Variants in PTPRN2 observed in about 807,000 individuals in gnomAD.
PTPRN2 encodes the protein receptor-type tyrosine-protein phosphatase N2.
In PTPRN2, 74 loss-of-function variants were observed where a neutral mutation model predicts 118.8. The observed-to-expected ratio is 0.62, with a 90% CI of 0.52 to 0.76. PTPRN2 has a LOEUF of 0.76. PTPRN2 is among the 30% of genes least tolerant of loss of function. The pLI is 0.00. For missense variants in PTPRN2, 1,481 were observed against 1,394.4 expected (o/e 1.06, Z -0.99); for synonymous variants, 641 against 608.0 (o/e 1.05, Z -0.80).
At chr7:158,480,718 T>C (rs2129444878) in intron 2 of PTPRN2, among the ~76,000 whole-genome samples, 1 of 152,302 alleles carries the variant, frequency 6.6e-6, no homozygotes, top group African/African-American at 2.4e-5. Context: ...ATTGAGAAAG[T>C]CTGAGTGGTC....
intron 1 of PTPRN2, among the ~76,000 whole-genome samples, chr7:158,512,519 C>A (rs1309972182): frequency 6.6e-6 from 1 of 152,082 alleles, no homozygotes; most frequent in Admixed American, 6.5e-5. Context: ...TCCTAGATCT[C>A]ACAGTCACAC....
intron 12 of PTPRN2, among the ~76,000 whole-genome samples, chr7:157,862,292 G>T (rs1484114994): frequency 2.6e-5 from 4 of 152,244 alleles, no homozygotes; most frequent in Non-Finnish European, 5.9e-5. Context: ...ATATCTTTCT[G>T]CGGAGACAGT....
Position 157,902,351 on chromosome 7 carries a change from C to T in PTPRN2, c.1724-3614G>A, listed in dbSNP as rs139268112. On this transcript the variant is annotated intron_variant, in intron 11 of 22. Transcript: ENST00000389418. ...GGAGAGCACGTGGGGACCAGCCCCG[C>T]GGTGGCCTGGAGAGTACGTGGAAAT... Among the ~76,000 whole-genome samples, 279 of 147,860 alleles carry T rather than the reference C, an allele frequency of 1.9e-3. No individual in the cohort carries two copies. In the East Asian group the frequency reaches 0.045, roughly 24 times the overall value.
At chr7:158,313,060 TTGTC>T (rs111855829) in intron 3 of PTPRN2, among the ~76,000 whole-genome samples, 16 of 151,342 alleles carry the variant, frequency 1.1e-4, no homozygotes, top group African/African-American at 3.6e-4. Context: ...GTGTGCAGGT[TTGTC>T]TGCGTGTGGG....
chr7:158,120,414 C>T (rs1320669899), intron 9 of PTPRN2, among the ~76,000 whole-genome samples: 1 of 152,166 alleles, frequency 6.6e-6, no homozygotes, highest in Non-Finnish European at 1.5e-5. Context: ...AGCACCATGA[C>T]GTGTGGCTGC....
At chr7:158,330,814 A>T (rs1586296310) in intron 2 of PTPRN2, among the ~76,000 whole-genome samples, 18 of 102,848 alleles carry the variant, frequency 1.8e-4, no homozygotes, top group African/African-American at 2.6e-4. Flanking sequence ...ATAAGAGCTG[A>T]CACCCGCAGA....
intron 11 of PTPRN2, among the ~76,000 whole-genome samples, chr7:158,055,676 C>T (rs372746027): frequency 5.9e-5 from 9 of 152,230 alleles, no homozygotes; most frequent in East Asian, 1.9e-4. Context: ...TCCTCTGCCT[C>T]GGCTGCCAAA....
intron 1 of PTPRN2, among the ~76,000 whole-genome samples, chr7:158,550,225 C>T (rs1426570607): frequency 2.0e-5 from 3 of 152,208 alleles, no homozygotes; most frequent in Non-Finnish European, 4.4e-5. Context: ...GCCCACGTCC[C>T]GATAGGAAGC....
intron 2 of PTPRN2, among the ~76,000 whole-genome samples, chr7:158,319,418 C>CCA (rs1213487193): frequency 0.018 from 1,561 of 88,158 alleles, 184 homozygotes; most frequent in Non-Finnish European, 0.024. Flanking sequence ...ACACAGCCTC[C>CCA]CACACACACA....
At position 157,870,794 on chromosome 7, in the gene PTPRN2, C is replaced by T. The variant is rs529610807; in HGVS notation, c.1788+27879G>A. 3.3e-5 allele frequency among the ~76,000 whole-genome samples: 5 copies of T among 152,354 alleles called. 1 individual carries two copies. Among genetic ancestry groups the T allele is most frequent in the South Asian group, 4.1e-4 (2 of 4,828 alleles). On this transcript the variant is annotated intron_variant, in intron 12 of 22. Coordinates refer to ENST00000389418, the MANE Select transcript of PTPRN2 (RefSeq NM_002847.5). The stretch of plus-strand genomic sequence containing the variant: ...TCTGGGGCCAGGAGCTGCATGGCCT[C>T]GTGCCAGCCTCCCGCACCTGCACCC...
chr7:158,125,185 C>A (rs1007498233), intron 9 of PTPRN2, among the ~76,000 whole-genome samples: 1 of 151,652 alleles, frequency 6.6e-6, no homozygotes, highest in Non-Finnish European at 1.5e-5. Flanking sequence ...TGTCTCGAGT[C>A]CCTCCCAGGG....
chr7:158,110,062 G>A (rs568698384), intron 10 of PTPRN2, among the ~76,000 whole-genome samples: 11 of 152,062 alleles, frequency 7.2e-5, no homozygotes, highest in South Asian at 2.1e-4. Flanking sequence ...TGAACAACAC[G>A]TGTAGGCAGG....
At chr7:158,422,577 T>C (rs1159158366) in intron 2 of PTPRN2, among the ~76,000 whole-genome samples, 1 of 152,250 alleles carries the variant, frequency 6.6e-6, no homozygotes, top group Non-Finnish European at 1.5e-5. Flanking sequence ...GCAAATGCCA[T>C]CTGAAGGCCT....
intron 12 of PTPRN2, among the ~76,000 whole-genome samples, chr7:157,737,807 C>G (rs1800392118): frequency 6.6e-6 from 1 of 152,236 alleles, no homozygotes; most frequent in South Asian, 2.1e-4. Flanking sequence ...CTGGAAGAGC[C>G]TGACTAGGAA....
At chr7:158,495,612 C>A (rs1821783720) in intron 1 of PTPRN2, among the ~76,000 whole-genome samples, 1 of 152,188 alleles carries the variant, frequency 6.6e-6, no homozygotes, top group Non-Finnish European at 1.5e-5. Context: ...CCCCACACCC[C>A]ACTGAGGTTT....
intron 11 of PTPRN2, among the ~76,000 whole-genome samples, chr7:158,034,442 A>G (rs1399010561): frequency 6.6e-6 from 1 of 152,218 alleles, no homozygotes; most frequent in Non-Finnish European, 1.5e-5. Context: ...GTGATAGTGA[A>G]TAGGTCTCAC....
intron 5 of PTPRN2, among the ~76,000 whole-genome samples, chr7:158,171,141 CATAT>C (rs1264196948): frequency 2.7e-5 from 2 of 74,882 alleles, no homozygotes; most frequent in African/African-American, 3.8e-5. Flanking sequence ...TATATACACA[CATAT>C]ATATACACAT....
chr7:158,429,793 T>C (rs1309757358), intron 2 of PTPRN2, among the ~76,000 whole-genome samples: 1 of 152,258 alleles, frequency 6.6e-6, no homozygotes, highest in Non-Finnish European at 1.5e-5. Context: ...TAACAGGCCA[T>C]GGATGGTGAG....
At chr7:157,614,236 A>G (rs1487943465) in intron 15 of PTPRN2, 1 of 415,396 alleles carries the variant, frequency 2.4e-6, no homozygotes, top group African/African-American at 2.1e-5. Flanking sequence ...GTCGCAGAGC[A>G]GGCTGGTCAT....
Sources: allele counts gnomAD v4.1 joint callset (sites outside exome capture counted in the v4.1 genomes callset), GRCh38; gene constraint gnomAD v4.1.1; transcripts MANE v1.5; gene names NCBI Gene and HGNC (gene_info 2026-07-23, HGNC 2026-07-21).